Variants in CTNNA3 observed in about 807,000 individuals in gnomAD.
CTNNA3 encodes catenin alpha 3.
A neutral mutation model predicts 95.7 loss-of-function variants in CTNNA3; 76 were observed. The observed-to-expected ratio is 0.79, with a 90% confidence interval of 0.66 to 0.96. The LOEUF (loss-of-function observed/expected upper bound fraction) is 0.96, where lower values mean the gene tolerates loss of function less well. Ranked by LOEUF, CTNNA3 falls within the 40% of genes least tolerant of loss-of-function variation. The pLI is 0.00. For synonymous variants in CTNNA3, 431 were observed against 374.4 expected, an observed-to-expected ratio of 1.15 and a Z score of -1.74; for missense variants, 1,191 against 1,089.8, an observed-to-expected ratio of 1.09 and a Z score of -1.31.
chr10:67,338,142 A>T lies in CTNNA3; in HGVS notation c.580-118272T>A, dbSNP rs184299640. 2.6e-5 allele frequency among the ~76,000 whole-genome samples: 4 copies of T among 152,300 alleles called. No individual in the cohort carries two copies. The East Asian group carries it at 7.7e-4, about 29-fold the overall frequency. ...AAATACCCAAGGCTGGGTAATTTAT[A>T]AAGAAAACAGGTTTAATTGGTTCAC... On this transcript the variant is annotated intron_variant, in intron 5 of 17. Coordinates refer to ENST00000433211, the MANE Select transcript of CTNNA3 (RefSeq NM_013266.4).
In CTNNA3 at chr10:67,463,511, T is replaced by C. The variant is rs559012729; in HGVS notation, c.579+58331A>G. On this transcript the variant is annotated intron_variant, in intron 5 of 17. Coordinates refer to ENST00000433211, the MANE Select transcript of CTNNA3 (RefSeq NM_013266.4). Reference sequence around the variant, plus strand: ...GAACTTAAATGACACAAAGGCAAGATAAAAGGAATCCATGATTACAGTCAT... The same window carrying C: ...GAACTTAAATGACACAAAGGCAAGACAAAAGGAATCCATGATTACAGTCAT... Among the ~76,000 whole-genome samples the C allele has an allele frequency of 1.1e-4, 16 of 152,232 alleles. No individual in the cohort carries two copies. The South Asian group carries it at 3.3e-3, about 32-fold the overall frequency.
intron 11 of CTNNA3, among the ~76,000 whole-genome samples, chr10:66,410,843 T>C (rs1460510960): frequency 6.6e-6 from 1 of 152,168 alleles, no homozygotes; most frequent in Non-Finnish European, 1.5e-5. Context: ...ATCCTGGTGT[T>C]GGTCATAAAG....
At chr10:66,393,787 A>G (rs1160114131) in intron 11 of CTNNA3, among the ~76,000 whole-genome samples, 1 of 152,036 alleles carries the variant, frequency 6.6e-6, no homozygotes, top group Non-Finnish European at 1.5e-5. Context: ...GATCTGTTAC[A>G]TTTCATTTTT....
chr10:67,006,929 G>A (rs1852028259), intron 7 of CTNNA3, among the ~76,000 whole-genome samples: 1 of 152,028 alleles, frequency 6.6e-6, no homozygotes, highest in African/African-American at 2.4e-5. Context: ...AAGTAGCTGG[G>A]ATTACAGTCA....
In CTNNA3 at chr10:66,670,585, C is replaced by T. The variant is rs992658154; in HGVS notation, c.1282-48801G>A. 2.6e-5 allele frequency among the ~76,000 whole-genome samples: 4 copies of T among 152,124 alleles called. 1 individual carries two copies. The highest frequency in any genetic ancestry group is 5.9e-5 in the Non-Finnish European group (4 of 68,018). ...CTCTTCTCTTCTAGGCTCCCCTCACCGACTGATTTTTCTGTTCTCCGATTC... is the reference window on the plus strand; with the variant it reads ...CTCTTCTCTTCTAGGCTCCCCTCACTGACTGATTTTTCTGTTCTCCGATTC... On this transcript the variant is annotated intron_variant, in intron 9 of 17. Coordinates refer to ENST00000433211, the MANE Select transcript of CTNNA3 (RefSeq NM_013266.4).
chr10:67,192,635 T>A (rs1189647551), intron 6 of CTNNA3, among the ~76,000 whole-genome samples: 1 of 151,824 alleles, frequency 6.6e-6, no homozygotes, highest in Non-Finnish European at 1.5e-5. Context: ...AAAAGGGAAC[T>A]TTTGCACACT....
At chr10:67,396,504 C>T (rs1164733386) in intron 5 of CTNNA3, among the ~76,000 whole-genome samples, 3 of 152,012 alleles carry the variant, frequency 2.0e-5, no homozygotes, top group Admixed American at 6.6e-5. Context: ...GAGTGTCAAA[C>T]CCCACACAGA....
chr10:66,372,049 A>G (rs1283631444), intron 12 of CTNNA3, among the ~76,000 whole-genome samples: 1 of 152,124 alleles, frequency 6.6e-6, no homozygotes, highest in African/African-American at 2.4e-5. Flanking sequence ...GGTACTTTGA[A>G]AAGCTATTCT....
intron 2 of CTNNA3, among the ~76,000 whole-genome samples, chr10:67,609,500 T>G (rs932757967): frequency 6.6e-6 from 1 of 152,134 alleles, no homozygotes; most frequent in Admixed American, 6.5e-5. Context: ...TGAAAATCAT[T>G]TTCATCTGCC....
chr10:66,103,642 T>C (rs2081746320), intron 13 of CTNNA3, among the ~76,000 whole-genome samples: 2 of 152,212 alleles, frequency 1.3e-5, no homozygotes, highest in Non-Finnish European at 2.9e-5. Flanking sequence ...ACATATTGTA[T>C]GATCCTGTTT....
At chr10:66,242,183 G>C (rs973067012) in intron 13 of CTNNA3, among the ~76,000 whole-genome samples, 3 of 151,936 alleles carry the variant, frequency 2.0e-5, no homozygotes, top group Non-Finnish European at 4.4e-5. Flanking sequence ...CTTTGACCTT[G>C]GACTTAGCCT....
intron 11 of CTNNA3, among the ~76,000 whole-genome samples, chr10:66,388,462 C>A (rs184764284): frequency 9.2e-5 from 14 of 152,036 alleles, no homozygotes; most frequent in Admixed American, 8.5e-4. Context: ...GATCTATATG[C>A]CCATGAATTT....
rs181622967 is a variant in CTNNA3 at position 67,049,763 on chromosome 10, G to C, written c.1047+130554C>G. Among the ~76,000 whole-genome samples the C allele has an allele frequency of 3.4e-3, 517 of 152,286 alleles. 3 individuals are homozygous for C. The highest frequency in any genetic ancestry group is 0.012 in the African/African-American group (489 of 41,550). On this transcript the variant is annotated intron_variant, in intron 7 of 17. Transcript: ENST00000433211. ...TATACACAAAAATTACTACTGCACAGATTCTGTGTAGTAGCACAAATAGAA... is the reference window on the plus strand; with the variant it reads ...TATACACAAAAATTACTACTGCACACATTCTGTGTAGTAGCACAAATAGAA...
At chr10:66,002,768 A>C (rs868078661) in intron 15 of CTNNA3, among the ~76,000 whole-genome samples, 1 of 152,196 alleles carries the variant, frequency 6.6e-6, no homozygotes, top group East Asian at 1.9e-4. Flanking sequence ...GGGTCAGGAC[A>C]GAAATTGACA....
At chr10:67,342,898 G>C (rs575533381) in intron 5 of CTNNA3, among the ~76,000 whole-genome samples, 3 of 151,772 alleles carry the variant, frequency 2.0e-5, no homozygotes, top group Non-Finnish European at 4.4e-5. Flanking sequence ...GTTTTGTTTT[G>C]TTTTTTTCTT....
chr10:66,262,126 G>A (rs2091022696), intron 13 of CTNNA3, among the ~76,000 whole-genome samples: 1 of 151,938 alleles, frequency 6.6e-6, no homozygotes, highest in Non-Finnish European at 1.5e-5. Flanking sequence ...GGAGTCAGGA[G>A]ACCTGAATTC....
At chr10:66,957,058 C>T (rs1054927989) in intron 7 of CTNNA3, among the ~76,000 whole-genome samples, 1 of 152,132 alleles carries the variant, frequency 6.6e-6, no homozygotes, top group East Asian at 1.9e-4. Flanking sequence ...CTAGCTCTGT[C>T]TAAATTGAAT....
intron 3 of CTNNA3, among the ~76,000 whole-genome samples, chr10:67,569,177 T>C (rs1389527223): frequency 1.3e-5 from 2 of 152,178 alleles, no homozygotes; most frequent in Admixed American, 6.5e-5. Context: ...TGGTATTCCA[T>C]AATGTTCTCT....
intron 12 of CTNNA3, among the ~76,000 whole-genome samples, chr10:66,305,431 C>T (rs1418010159): frequency 2.0e-5 from 3 of 151,536 alleles, no homozygotes. Flanking sequence ...ACCCTATTTT[C>T]TCAAGTGGAC....
Sources: gnomAD v4.1 joint callset for allele counts (sites outside exome capture counted in the v4.1 genomes callset) on GRCh38, gnomAD v4.1.1 for gene constraint, MANE v1.5 for transcripts, NCBI Gene and HGNC (gene_info 2026-07-23, HGNC 2026-07-21) for gene names.